STK11: variants seen among roughly 807,000 people sequenced by gnomAD.
The protein encoded by STK11 is serine/threonine kinase 11, also known as serine/threonine-protein kinase STK11.
Under a neutral mutation model 47.3 loss-of-function variants are expected in STK11, and 8 were observed. The observed-to-expected ratio is 0.17, with a 90% CI of 0.10 to 0.31. The LOEUF is 0.31. Among genes scored for constraint, STK11 ranks in the 10% least tolerant of loss-of-function variants. STK11 has a pLI of 1.00. For synonymous variants in STK11, 330 were observed against 255.8 expected (o/e 1.29, Z -2.77); for missense variants, 475 against 605.0 (o/e 0.79, Z 2.25).
intron 7 of STK11, among the ~76,000 whole-genome samples, chr19:1,222,386 G>C (rs752380019): frequency 3.3e-5 from 5 of 152,128 alleles, no homozygotes; most frequent in Non-Finnish European, 5.9e-5. Context: ...CTCCATGACA[G>C]GGAAGACAGA....
At chr19:1,216,292 C>G (rs975150409) in intron 1 of STK11, 1 of 173,458 alleles carries the variant, frequency 5.8e-6, no homozygotes, top group Non-Finnish European at 1.2e-5. Context: ...GAATCCACTT[C>G]CTGGCTCTGG....
chr19:1,205,920 C>T lies in STK11; in HGVS notation c.-994C>T, dbSNP rs1301937576. ...CCTTGGATGGGCTGGGCCCCCCTCG[C>T]CGCTCCGCCTCCTCCACACGCGCGG... On this transcript the variant is annotated 5_prime_UTR_variant, in exon 1 of 10. Coordinates refer to ENST00000326873, the MANE Select transcript of STK11 (RefSeq NM_000455.5). The T allele has an allele frequency of 1.2e-5, 2 of 173,330 alleles. No individual in the cohort carries two copies. The highest frequency in any genetic ancestry group is 2.5e-5 in the Non-Finnish European group (2 of 81,136). The allele number at this position is 173,330 out of a possible 1,614,324, so 10.7% of individuals were successfully genotyped here.
At chr19:1,208,144 C>T (rs1228509753) in intron 1 of STK11, among the ~76,000 whole-genome samples, 1 of 152,086 alleles carries the variant, frequency 6.6e-6, no homozygotes, top group Non-Finnish European at 1.5e-5. Flanking sequence ...CCTCGAGGGA[C>T]TGGCAAGGAC....
intron 8 of STK11, chr19:1,223,529 C>T (rs1264380462): frequency 5.1e-5 from 51 of 992,242 alleles, no homozygotes; most frequent in Non-Finnish European, 6.5e-5. Flanking sequence ...AGTCAGGGTG[C>T]AGGGTGGCCC....
chr19:1,220,110 A>G, intron 3 of STK11: 1 of 466,732 alleles, frequency 2.1e-6, no homozygotes, highest in Non-Finnish European at 3.8e-6. Flanking sequence ...TTTGGGGTGC[A>G]GCCGGCCTGT....
intron 3 of STK11, 82 bp downstream of exon 3, chr19:1,219,495 C>G: frequency 7.1e-7 from 1 of 1,411,748 alleles, no homozygotes; most frequent in Non-Finnish European, 9.6e-7. Flanking sequence ...GGCCACACTG[C>G]TTGTCCTGAT....
intron 5 of STK11, among the ~76,000 whole-genome samples, chr19:1,220,983 G>A (rs983104463): frequency 6.6e-6 from 1 of 152,204 alleles, no homozygotes; most frequent in Non-Finnish European, 1.5e-5. Context: ...GGGAAGCTGG[G>A]CGGGTGACAG....
At chr19:1,224,737 C>G (rs2080808977) in intron 8 of STK11, 2 of 985,598 alleles carry the variant, frequency 2.0e-6, no homozygotes, top group Non-Finnish European at 1.2e-6. Context: ...TTTTCATGAC[C>G]CTGCTAAGCC....
At chr19:1,220,012 C>T (rs910698561) in intron 3 of STK11, 7 of 257,806 alleles carry the variant, frequency 2.7e-5, no homozygotes, top group African/African-American at 1.6e-4. Context: ...ACCAGATCTC[C>T]TGGATGCAGG....
intron 7 of STK11, 144 bp from the exon 8 acceptor site, chr19:1,222,838 GCTT>G: frequency 4.5e-6 from 4 of 893,484 alleles, no homozygotes; most frequent in Non-Finnish European, 4.9e-6. Context: ...ACATGGCTGA[GCTT>G]CTGTGGTCAC....
At position 1,226,537 on chromosome 19, in the gene STK11, G is replaced by T; in HGVS notation, c.1192G>T (p.Ala398Ser). ...CGTGTGTATGAACGGCACAGAGGCG[G>T]CGCAGCTGAGCACCAAATCCAGGGC... is the stretch of plus-strand genomic sequence containing the variant. ...KAVCMNGTEA[A>S]QLSTKSRAEG... The change falls in exon 9 of 10, where the codon GCG becomes TCG. Residue 398 changes from alanine to serine, a missense_variant. Physicochemically the swap from Ala to Ser is moderately conservative, Grantham distance 99. Coordinates refer to ENST00000326873, the MANE Select transcript of STK11 (RefSeq NM_000455.5). The T allele has an allele frequency of 1.9e-6, 3 of 1,605,710 alleles. No individual in the cohort carries two copies. Among genetic ancestry groups the T allele is most frequent in the Non-Finnish European group, 2.5e-6 (3 of 1,177,180 alleles).
In STK11 at chr19:1,221,201, C is replaced by G. The variant is rs764712846; in HGVS notation, c.735-12C>G. ...ACTGACCACGCCTTTCTTCCCTCCCCTCGAAATGAAGCTACAACATCACCA... is the reference window on the plus strand; with the variant it reads ...ACTGACCACGCCTTTCTTCCCTCCCGTCGAAATGAAGCTACAACATCACCA... On this transcript the variant is annotated splice_polypyrimidine_tract_variant and intron_variant, in intron 5 of 9. Coordinates refer to ENST00000326873, the MANE Select transcript of STK11 (RefSeq NM_000455.5). 1 of 1,611,528 alleles carries G rather than the reference C, an allele frequency of 6.2e-7. No individual in the cohort carries two copies. Among genetic ancestry groups the G allele is most frequent in the Non-Finnish European group, 8.5e-7 (1 of 1,178,820 alleles).
At chr19:1,207,810 G>T (rs1344519842) in intron 1 of STK11, among the ~76,000 whole-genome samples, 2 of 152,226 alleles carry the variant, frequency 1.3e-5, no homozygotes, top group African/African-American at 4.8e-5. Context: ...CCCTGCCCGA[G>T]GGGGACTGTG....
At chr19:1,219,434 C>A (rs2145422633) in intron 3 of STK11, 21 bp downstream of exon 3, 2 of 1,180,190 alleles carry the variant, frequency 1.7e-6, no homozygotes, top group Non-Finnish European at 2.3e-6. Context: ...GGGGCAGGGG[C>A]CAGGGTGGGG....
In STK11 at chr19:1,220,565, C is replaced by T. The variant is rs2145424939; in HGVS notation, c.598-16C>T. 1 of 1,573,906 alleles carries T rather than the reference C, an allele frequency of 6.4e-7. No homozygotes were observed. Reference sequence around the variant, plus strand: ...CCTCCCGGGCACTCCCTGAGGGCTGCACGGCACCGCCACAGGCACTGCACC... The same window carrying T: ...CCTCCCGGGCACTCCCTGAGGGCTGTACGGCACCGCCACAGGCACTGCACC... On this transcript the variant is annotated splice_polypyrimidine_tract_variant and intron_variant, in intron 4 of 9. Transcript: ENST00000326873.
At position 1,223,088 on chromosome 19, in the gene STK11, G is replaced by C. The variant is rs876658160; in HGVS notation, c.1024G>C (p.Glu342Gln). The change falls in exon 8 of 10, where the codon GAG (glutamate) becomes CAG (glutamine). Residue 342 changes from glutamate (E) to glutamine (Q), a missense_variant. Physicochemically the swap from Glu to Gln is conservative, Grantham distance 29. This residue lies in a region of STK11 where 219 missense variants were observed against 189.2 expected (regional missense o/e 1.16). Coordinates refer to ENST00000326873, the MANE Select transcript of STK11 (RefSeq NM_000455.5). ...WRSMTVVPYL[E>Q]DLHGADEDED... ...CAGCATGACTGTGGTGCCGTACTTGGAGGACCTGCACGGCGCGGACGAGGA... is the reference window on the plus strand; with the variant it reads ...CAGCATGACTGTGGTGCCGTACTTGCAGGACCTGCACGGCGCGGACGAGGA... 1 of 1,610,396 alleles carries C rather than the reference G, an allele frequency of 6.2e-7. No individual in the cohort carries two copies. The highest frequency in any genetic ancestry group is 8.5e-7 in the Non-Finnish European group (1 of 1,178,870).
chr19:1,211,801 A>G (rs770109096), intron 1 of STK11, among the ~76,000 whole-genome samples: 3 of 152,208 alleles, frequency 2.0e-5, no homozygotes, highest in Admixed American at 2.0e-4. Flanking sequence ...GGCGGCACTC[A>G]GTGTGCCTGG....
At chr19:1,219,438 G>C in intron 3 of STK11, 25 bp downstream of exon 3, 1 of 1,541,944 alleles carries the variant, frequency 6.5e-7, no homozygotes, top group Non-Finnish European at 8.7e-7. Context: ...CAGGGGCCAG[G>C]GTGGGGCGGG....
At chr19:1,226,103 G>T in intron 8 of STK11, 1 of 1,108,722 alleles carries the variant, frequency 9.0e-7, no homozygotes, top group Non-Finnish European at 1.1e-6. Flanking sequence ...ATGGGCCAGG[G>T]TGCCCCAGGG....
Sources: allele counts gnomAD v4.1 joint callset (sites outside exome capture counted in the v4.1 genomes callset), GRCh38; gene constraint gnomAD v4.1.1; regional missense constraint gnomAD v4.1.1; transcripts MANE v1.5; gene names NCBI Gene and HGNC (gene_info 2026-07-23, HGNC 2026-07-21).